EYS: variants seen among roughly 807,000 people sequenced by gnomAD.
EYS encodes the protein protein eyes shut homolog.
Under a neutral mutation model 282.1 loss-of-function variants are expected in EYS, and 250 were observed. That is an observed-to-expected ratio of 0.89 (90% CI 0.80 to 0.98). The LOEUF is 0.98. EYS is among the 50% of genes least tolerant of loss of function. The pLI, the probability that EYS is intolerant of heterozygous loss-of-function variation, is 0.00. For synonymous variants in EYS, 1,355 were observed against 1,282.9 expected, an observed-to-expected ratio of 1.06 and a Z score of -1.20; for missense variants, 4,016 against 3,709.0, an observed-to-expected ratio of 1.08 and a Z score of -2.15.
chr6:65,239,981 T>C (rs558424973), intron 12 of EYS, among the ~76,000 whole-genome samples: 196 of 152,066 alleles, frequency 1.3e-3, no homozygotes, highest in African/African-American at 4.4e-3. Context: ...GATTTTTTTT[T>C]TTTTTGAGAC....
At chr6:63,903,741 C>T (rs1014571095) in intron 35 of EYS, among the ~76,000 whole-genome samples, 1 of 152,148 alleles carries the variant, frequency 6.6e-6, no homozygotes, top group Non-Finnish European at 1.5e-5. Context: ...GAACAGGACC[C>T]TGGATGTAGT....
At chr6:63,949,398 C>A (rs1354923502) in intron 35 of EYS, among the ~76,000 whole-genome samples, 1 of 152,140 alleles carries the variant, frequency 6.6e-6, no homozygotes, top group African/African-American at 2.4e-5. Flanking sequence ...CATGCAGTTC[C>A]TCTCTTTGCC....
chr6:65,208,899 A>G (rs1013776326), intron 12 of EYS, among the ~76,000 whole-genome samples: 1 of 151,880 alleles, frequency 6.6e-6, no homozygotes, highest in Non-Finnish European at 1.5e-5. Context: ...TATGCAATAC[A>G]TTCAAGTCAC....
At chr6:65,426,001 G>T (rs1436376135) in intron 5 of EYS, among the ~76,000 whole-genome samples, 2 of 151,884 alleles carry the variant, frequency 1.3e-5, no homozygotes, top group African/African-American at 2.4e-5. Flanking sequence ...TTAGAAAGAG[G>T]GTCTCACTCT....
chr6:65,019,744 G>T (rs552555710), intron 13 of EYS, among the ~76,000 whole-genome samples: 4 of 152,202 alleles, frequency 2.6e-5, no homozygotes, highest in African/African-American at 9.6e-5. Flanking sequence ...CTTAGTAATT[G>T]TATTAGTCCA....
chr6:65,362,206 GGT>G (rs1764736869), intron 8 of EYS, among the ~76,000 whole-genome samples: 1 of 151,958 alleles, frequency 6.6e-6, no homozygotes, highest in Non-Finnish European at 1.5e-5. Context: ...TTATTCAATA[GGT>G]ATTTATTGTA....
chr6:65,166,187 G>C (rs1345868602), intron 12 of EYS, among the ~76,000 whole-genome samples: 4 of 150,998 alleles, frequency 2.6e-5, no homozygotes, highest in Non-Finnish European at 5.9e-5. Flanking sequence ...CTCAAAGTAA[G>C]CCCTACTGAA....
chr6:63,892,992 G>C (rs760667721), intron 35 of EYS, among the ~76,000 whole-genome samples: 1 of 151,996 alleles, frequency 6.6e-6, no homozygotes, highest in South Asian at 2.1e-4. Context: ...GCTCATCACT[G>C]GTCATTAAAG....
rs564581885 is a variant in EYS at position 65,609,613 on chromosome 6, G to T, written c.-333+30165C>A. On this transcript the variant is annotated intron_variant, in intron 2 of 42. Transcript: ENST00000503581. ...GAAAGGTTTGAATTGCCACCTGGCAGTGTATTATAATATCATATTTTACAT... is the reference window on the plus strand; with the variant it reads ...GAAAGGTTTGAATTGCCACCTGGCATTGTATTATAATATCATATTTTACAT... Among the ~76,000 whole-genome samples, 4 of 152,172 alleles carry T rather than the reference G, an allele frequency of 2.6e-5. No homozygotes were observed. The East Asian group carries it at 7.7e-4, about 29-fold the overall frequency.
At chr6:64,360,373 C>T (rs1771962979) in intron 29 of EYS, among the ~76,000 whole-genome samples, 1 of 151,588 alleles carries the variant, frequency 6.6e-6, no homozygotes, top group Non-Finnish European at 1.5e-5. Context: ...AAGAAGTGAA[C>T]ACAGGCCATC....
At chr6:64,981,261 G>A (rs1562285545) in intron 14 of EYS, among the ~76,000 whole-genome samples, 1 of 151,406 alleles carries the variant, frequency 6.6e-6, no homozygotes, top group East Asian at 1.9e-4. Flanking sequence ...CAAGGTAATA[G>A]AGAAACCCAA....
chr6:64,791,244 C>T (rs544994107), intron 22 of EYS, among the ~76,000 whole-genome samples: 102 of 151,724 alleles, frequency 6.7e-4, no homozygotes, highest in African/African-American at 2.2e-3. Flanking sequence ...CTCAGCAAGA[C>T]GAAAAAATAC....
intron 5 of EYS, among the ~76,000 whole-genome samples, chr6:65,443,104 CAT>C (rs894709235): frequency 6.6e-6 from 1 of 151,048 alleles, no homozygotes; most frequent in African/African-American, 2.4e-5. Context: ...TATGCATATA[CAT>C]ATATGTGGAT....
At chr6:64,693,973 A>G (rs1332106157) in intron 22 of EYS, among the ~76,000 whole-genome samples, 4 of 152,224 alleles carry the variant, frequency 2.6e-5, no homozygotes, top group African/African-American at 4.8e-5. Context: ...AAAAAATATA[A>G]GAAGGCTTAA....
At chr6:65,139,185 T>A (rs1176389277) in intron 12 of EYS, among the ~76,000 whole-genome samples, 1 of 152,060 alleles carries the variant, frequency 6.6e-6, no homozygotes, top group Non-Finnish European at 1.5e-5. Context: ...TCAACCTAGA[T>A]GCCCATCAAT....
intron 26 of EYS, among the ~76,000 whole-genome samples, chr6:64,571,662 A>T (rs1765729453): frequency 6.6e-6 from 1 of 152,216 alleles, no homozygotes; most frequent in South Asian, 2.1e-4. Context: ...CTATGCAAAT[A>T]AACTATAAAA....
At chr6:64,863,651 G>C (rs184407425) in intron 19 of EYS, among the ~76,000 whole-genome samples, 1 of 152,256 alleles carries the variant, frequency 6.6e-6, no homozygotes, top group Admixed American at 6.5e-5. Flanking sequence ...TATAGCAATA[G>C]TAGCTTTATT....
intron 22 of EYS, among the ~76,000 whole-genome samples, chr6:64,787,446 A>T: frequency 6.6e-6 from 1 of 151,994 alleles, no homozygotes; most frequent in East Asian, 1.9e-4. Flanking sequence ...ATTATTTTTA[A>T]AAACTTTGTT....
At chr6:64,059,346 GC>G (rs981493440) in intron 33 of EYS, among the ~76,000 whole-genome samples, 4 of 152,032 alleles carry the variant, frequency 2.6e-5, no homozygotes, top group Non-Finnish European at 5.9e-5. Flanking sequence ...TTTGCTAATT[GC>G]CATTCTGTTT....
Sources: gnomAD v4.1 joint callset for allele counts (sites outside exome capture counted in the v4.1 genomes callset) on GRCh38, gnomAD v4.1.1 for gene constraint, MANE v1.5 for transcripts, NCBI Gene and HGNC (gene_info 2026-07-23, HGNC 2026-07-21) for gene names.